The following SLC9B1 variants were observed in gnomAD, a reference collection of about 807,000 sequenced individuals.
SLC9B1 encodes the protein solute carrier family 9 member B1.
A neutral mutation model predicts 51.7 loss-of-function variants in SLC9B1; 32 were observed. The ratio of observed to expected loss-of-function variants is 0.62; its 90% CI spans 0.47 to 0.83. The LOEUF (loss-of-function observed/expected upper bound fraction) is 0.83. Ranked by LOEUF, SLC9B1 falls within the 40% of genes least tolerant of loss-of-function variation. The pLI is 0.00. For missense variants in SLC9B1, 406 were observed against 613.2 expected, an observed-to-expected ratio of 0.66 and a Z score of 3.57; for synonymous variants, 145 against 212.7, an observed-to-expected ratio of 0.68 and a Z score of 2.77.
chr4:103,008,455 C>T (rs996044567), intron 1 of SLC9B1, among the ~76,000 whole-genome samples: 3 of 151,326 alleles, frequency 2.0e-5, no homozygotes, highest in Non-Finnish European at 4.4e-5. Flanking sequence ...ATCTCACCGC[C>T]CAGGATGGAG....
intron 1 of SLC9B1, among the ~76,000 whole-genome samples, chr4:102,996,479 A>G (rs1344726482): frequency 6.6e-6 from 1 of 152,152 alleles, no homozygotes; most frequent in Non-Finnish European, 1.5e-5. Context: ...ATTCTCCTAT[A>G]TATTCTTCCA....
At chr4:102,957,273 C>A (rs1261017093) in intron 3 of SLC9B1, among the ~76,000 whole-genome samples, 1 of 152,070 alleles carries the variant, frequency 6.6e-6, no homozygotes, top group Non-Finnish European at 1.5e-5. Flanking sequence ...AACATAATGT[C>A]TGAAAACTTC....
chr4:102,909,483 A>T (rs1040158895), intron 9 of SLC9B1, among the ~76,000 whole-genome samples: 17 of 152,182 alleles, frequency 1.1e-4, no homozygotes, highest in Non-Finnish European at 2.2e-4. Context: ...TGCGCCTGTA[A>T]TCCCAGCTAC....
intron 1 of SLC9B1, among the ~76,000 whole-genome samples, chr4:103,013,428 C>A (rs1020831572): frequency 6.6e-6 from 1 of 152,146 alleles, no homozygotes; most frequent in Admixed American, 6.5e-5. Context: ...TGGTTTCTTT[C>A]CCCTATTCAT....
intron 9 of SLC9B1, among the ~76,000 whole-genome samples, chr4:102,909,321 G>T (rs1338328461): frequency 6.6e-6 from 1 of 151,848 alleles, no homozygotes. Context: ...TCATTTCTAG[G>T]ACTCTATCCC....
At position 102,916,070 on chromosome 4, in the gene SLC9B1, A is replaced by G. The variant is rs191059352; in HGVS notation, c.830-4533T>C. On this transcript the variant is annotated intron_variant, in intron 7 of 11. Transcript: ENST00000296422. Reference sequence around the variant, plus strand: ...AAGACATACATAAAACAATAAACAAAATGACAATAGTAAGCCCCTCCCTAT... The same window carrying G: ...AAGACATACATAAAACAATAAACAAGATGACAATAGTAAGCCCCTCCCTAT... 3.3e-5 allele frequency among the ~76,000 whole-genome samples: 5 copies of G among 152,222 alleles called. No homozygotes were observed. In the East Asian group the frequency reaches 9.6e-4, roughly 29 times the overall value.
At chr4:102,995,052 T>C (rs1323749377) in intron 1 of SLC9B1, among the ~76,000 whole-genome samples, 1 of 152,228 alleles carries the variant, frequency 6.6e-6, no homozygotes, top group East Asian at 1.9e-4. Flanking sequence ...AGTTGTGTCA[T>C]GTTCTGAATA....
At chr4:102,961,954 G>A (rs1738158509) in intron 3 of SLC9B1, 2 of 250,258 alleles carry the variant, frequency 8.0e-6, no homozygotes, top group South Asian at 9.7e-5. Flanking sequence ...TGTATTCCAA[G>A]CATGGCGGGG....
intron 1 of SLC9B1, among the ~76,000 whole-genome samples, chr4:103,003,084 T>A (rs1200791776): frequency 4.6e-5 from 7 of 152,158 alleles, no homozygotes; most frequent in Non-Finnish European, 7.4e-5. Context: ...CTTATTTTGA[T>A]CCCTTTCCAT....
At chr4:102,905,084 G>A (rs1477250820) in intron 11 of SLC9B1, among the ~76,000 whole-genome samples, 1 of 152,054 alleles carries the variant, frequency 6.6e-6, no homozygotes, top group African/African-American at 2.4e-5. Flanking sequence ...CGCCCAGGAG[G>A]TTGAGGCTGC....
chr4:102,993,976 A>G (rs1179993372), intron 1 of SLC9B1, among the ~76,000 whole-genome samples: 1 of 152,140 alleles, frequency 6.6e-6, no homozygotes, highest in Admixed American at 6.5e-5. Flanking sequence ...CCTGGCCCAC[A>G]AAGCCATTTT....
chr4:102,895,646 AT>A (rs1734500844), intron 11 of SLC9B1, among the ~76,000 whole-genome samples: 1 of 152,194 alleles, frequency 6.6e-6, no homozygotes, highest in Non-Finnish European at 1.5e-5. Flanking sequence ...AATAAAACAG[AT>A]TTGATAACAC....
chr4:103,000,090 T>C (rs556566013), intron 1 of SLC9B1, among the ~76,000 whole-genome samples: 2 of 152,270 alleles, frequency 1.3e-5, no homozygotes, highest in South Asian at 4.2e-4. Flanking sequence ...CGAGGGAAAC[T>C]GCCCCCTTGA....
chr4:102,949,042 G>T (rs982074549), intron 4 of SLC9B1, among the ~76,000 whole-genome samples: 5 of 151,886 alleles, frequency 3.3e-5, no homozygotes, highest in African/African-American at 1.2e-4. Context: ...AATAAATTTT[G>T]GATAAAACTT....
At chr4:102,982,847 C>T (rs371581393) in intron 3 of SLC9B1, among the ~76,000 whole-genome samples, 2 of 152,058 alleles carry the variant, frequency 1.3e-5, no homozygotes, top group East Asian at 3.9e-4. Flanking sequence ...AAATTTATTT[C>T]TTCCTTCCTA....
At chr4:102,996,158 T>G (rs543281154) in intron 1 of SLC9B1, among the ~76,000 whole-genome samples, 2 of 152,292 alleles carry the variant, frequency 1.3e-5, no homozygotes, top group South Asian at 4.1e-4. Flanking sequence ...ATGAGCATTT[T>G]TTCATATATT....
intron 7 of SLC9B1, among the ~76,000 whole-genome samples, chr4:102,927,126 A>C (rs1434335135): frequency 6.6e-6 from 1 of 152,242 alleles, no homozygotes; most frequent in Non-Finnish European, 1.5e-5. Context: ...CTTAAATGTT[A>C]GACCTAAAAC....
chr4:102,979,703 A>G (rs985865765), intron 3 of SLC9B1, among the ~76,000 whole-genome samples: 1 of 152,136 alleles, frequency 6.6e-6, no homozygotes, highest in African/African-American at 2.4e-5. Context: ...AGGAATGTGG[A>G]TATTATTGTA....
chr4:103,008,549 T>C (rs1248329346), intron 1 of SLC9B1, among the ~76,000 whole-genome samples: 1 of 150,938 alleles, frequency 6.6e-6, no homozygotes, highest in Non-Finnish European at 1.5e-5. Context: ...GTCCGTCTAG[T>C]TTTTTTATTT....
Sources: allele counts gnomAD v4.1 joint callset (sites outside exome capture counted in the v4.1 genomes callset), GRCh38; gene constraint gnomAD v4.1.1; transcripts MANE v1.5; gene names NCBI Gene and HGNC (gene_info 2026-07-23, HGNC 2026-07-21).